The following FSIP1 variants were observed in gnomAD, a reference collection of about 807,000 sequenced individuals.
FSIP1 encodes the protein fibrous sheath-interacting protein 1.
Under a neutral mutation model 60.9 loss-of-function variants are expected in FSIP1, and 65 were observed. The ratio of observed to expected loss-of-function variants is 1.07; its 90% CI spans 0.87 to 1.31. FSIP1 has a LOEUF of 1.31. FSIP1 is among the 40% of genes most tolerant of loss of function. The pLI is 0.00. For synonymous variants in FSIP1, 209 were observed against 221.2 expected (o/e 0.94, Z 0.49); for missense variants, 675 against 665.5 (o/e 1.01, Z -0.16).
rs1890597752 is a variant in FSIP1, at chr15:39,600,445, A to ATC, written c.*434_*435insGA. ...TTATGGCAGGTTGTACCAGTTTCACAGACATGAGACAAGTGGGAAGAAGGA... is the reference window on the plus strand; with the variant it reads ...TTATGGCAGGTTGTACCAGTTTCACATCGACATGAGACAAGTGGGAAGAAGGA... On this transcript the variant is annotated 3_prime_UTR_variant, in exon 12 of 12. Coordinates refer to ENST00000350221, the MANE Select transcript of FSIP1 (RefSeq NM_152597.5). 1 of 153,724 alleles carries ATC rather than the reference A, an allele frequency of 6.5e-6. No homozygotes were observed. Among genetic ancestry groups the ATC allele is most frequent in the Non-Finnish European group, 1.4e-5 (1 of 69,164 alleles). The allele number at this position is 153,724 out of a possible 1,614,324, so 9.5% of individuals were successfully genotyped here.
intron 11 of FSIP1, among the ~76,000 whole-genome samples, chr15:39,616,313 T>C (rs1007061950): frequency 6.6e-6 from 1 of 152,222 alleles, no homozygotes; most frequent in African/African-American, 2.4e-5. Context: ...GGCAGCACTT[T>C]AGACACCATG....
intron 11 of FSIP1, among the ~76,000 whole-genome samples, chr15:39,610,784 G>T (rs1314027926): frequency 6.6e-6 from 1 of 152,202 alleles, no homozygotes; most frequent in African/African-American, 2.4e-5. Context: ...AGATTTCTCA[G>T]CAGAATCCCT....
At chr15:39,681,268 G>T (rs913879759) in intron 10 of FSIP1, among the ~76,000 whole-genome samples, 3 of 151,308 alleles carry the variant, frequency 2.0e-5, no homozygotes, top group Admixed American at 6.6e-5. Context: ...ACACCAAAAG[G>T]TTTATAGTTT....
intron 5 of FSIP1, among the ~76,000 whole-genome samples, chr15:39,752,368 T>C (rs1184515882): frequency 6.6e-6 from 1 of 151,996 alleles, no homozygotes; most frequent in African/African-American, 2.4e-5. Flanking sequence ...GCAATCTCTT[T>C]CCAAAGAGTA....
At chr15:39,667,665 G>T (rs1893551203) in intron 10 of FSIP1, among the ~76,000 whole-genome samples, 3 of 152,150 alleles carry the variant, frequency 2.0e-5, no homozygotes, top group African/African-American at 7.2e-5. Flanking sequence ...GGCAGTCTTA[G>T]CGGGAGAGTG....
At chr15:39,630,094 C>T (rs991594258) in intron 10 of FSIP1, among the ~76,000 whole-genome samples, 3 of 152,194 alleles carry the variant, frequency 2.0e-5, no homozygotes, top group Admixed American at 6.5e-5. Context: ...ATCTAATTAC[C>T]CCTGTACATT....
rs576918298 is a variant in FSIP1 at position 39,723,993 on chromosome 15, T to C, written c.1050+2596A>G. Among the ~76,000 whole-genome samples, 13 of 152,382 alleles carry C rather than the reference T, an allele frequency of 8.5e-5. No homozygotes were observed. The South Asian group carries it at 2.7e-3, about 32-fold the overall frequency. On this transcript the variant is annotated intron_variant, in intron 9 of 11. Transcript: ENST00000350221. ...TCAAAAGATATTCTTTATTTTTGCATGCAAGAAGCATAAATTATTTCTTTT... is the reference window on the plus strand; with the variant it reads ...TCAAAAGATATTCTTTATTTTTGCACGCAAGAAGCATAAATTATTTCTTTT...
intron 5 of FSIP1, among the ~76,000 whole-genome samples, chr15:39,756,195 T>C (rs1350379154): frequency 6.6e-6 from 1 of 152,186 alleles, no homozygotes; most frequent in East Asian, 1.9e-4. Context: ...CTTTTGTGTT[T>C]AGCACCTATA....
chr15:39,775,180 T>C (rs1302297973), intron 2 of FSIP1, among the ~76,000 whole-genome samples: 2 of 152,156 alleles, frequency 1.3e-5, no homozygotes, highest in Non-Finnish European at 2.9e-5. Context: ...CATGTCCTGC[T>C]AATTTTTTTA....
At chr15:39,744,209 C>T (rs148009807) in intron 5 of FSIP1, among the ~76,000 whole-genome samples, 4 of 152,178 alleles carry the variant, frequency 2.6e-5, no homozygotes, top group African/African-American at 7.2e-5. Flanking sequence ...TTTCCTATGA[C>T]TTTAAATCTG....
intron 10 of FSIP1, among the ~76,000 whole-genome samples, chr15:39,628,889 A>G (rs1291204759): frequency 1.3e-5 from 2 of 152,262 alleles, no homozygotes; most frequent in African/African-American, 4.8e-5. Context: ...AATACTAACA[A>G]GCAACAATTT....
At position 39,649,686 on chromosome 15, in the gene FSIP1, T is replaced by A. The variant is rs745525662; in HGVS notation, c.1189-31441A>T. Among the ~76,000 whole-genome samples the A allele has an allele frequency of 6.7e-4, 102 of 152,274 alleles. 1 individual carries two copies. The highest frequency in any genetic ancestry group is 9.0e-4 in the Non-Finnish European group (61 of 68,014). ...CTCTCAGGCTATTCTTCCCAGACACTTTTTCTACTCTGCCGTCGTCCTCTG... is the reference window on the plus strand; with the variant it reads ...CTCTCAGGCTATTCTTCCCAGACACATTTTCTACTCTGCCGTCGTCCTCTG... On this transcript the variant is annotated intron_variant, in intron 10 of 11. Coordinates refer to ENST00000350221, the MANE Select transcript of FSIP1 (RefSeq NM_152597.5).
intron 4 of FSIP1, among the ~76,000 whole-genome samples, chr15:39,764,510 T>C (rs1897614985): frequency 6.6e-6 from 1 of 152,208 alleles, no homozygotes; most frequent in African/African-American, 2.4e-5. Flanking sequence ...AGTCAACTGT[T>C]CAAGGAGGAC....
chr15:39,715,884 G>A (rs111453726), intron 9 of FSIP1, among the ~76,000 whole-genome samples: 1 of 152,030 alleles, frequency 6.6e-6, no homozygotes, highest in Admixed American at 6.6e-5. Flanking sequence ...CTCTTGCTCT[G>A]GCCATGTAAG....
intron 10 of FSIP1, among the ~76,000 whole-genome samples, chr15:39,661,482 C>A (rs1893293918): frequency 6.6e-6 from 1 of 152,122 alleles, no homozygotes; most frequent in African/African-American, 2.4e-5. Context: ...GACCTAATAA[C>A]ATGATTACAT....
chr15:39,777,791 T>A (rs1898112468), intron 1 of FSIP1, among the ~76,000 whole-genome samples: 1 of 152,226 alleles, frequency 6.6e-6, no homozygotes, highest in Admixed American at 6.5e-5. Context: ...CAATTATACA[T>A]TCAACCATAA....
At chr15:39,605,006 C>A (rs1380801141) in intron 11 of FSIP1, among the ~76,000 whole-genome samples, 1 of 152,168 alleles carries the variant, frequency 6.6e-6, no homozygotes, top group Non-Finnish European at 1.5e-5. Context: ...CCAACACACA[C>A]CCACTTCAAA....
At chr15:39,620,431 A>G (rs1024083659) in intron 10 of FSIP1, among the ~76,000 whole-genome samples, 2 of 152,266 alleles carry the variant, frequency 1.3e-5, no homozygotes, top group South Asian at 4.1e-4. Flanking sequence ...AAAATTAGGA[A>G]AAACACAAAA....
chr15:39,629,748 A>G (rs1891802115), intron 10 of FSIP1, among the ~76,000 whole-genome samples: 1 of 152,242 alleles, frequency 6.6e-6, no homozygotes, highest in Non-Finnish European at 1.5e-5. Context: ...TTGAATCAGA[A>G]TGACTTAACC....
Sources: gnomAD v4.1 joint callset for allele counts (sites outside exome capture counted in the v4.1 genomes callset) on GRCh38, gnomAD v4.1.1 for gene constraint, MANE v1.5 for transcripts, NCBI Gene and HGNC (gene_info 2026-07-23, HGNC 2026-07-21) for gene names.